Variants in UNC5D observed in about 807,000 individuals in gnomAD.
The protein encoded by UNC5D is unc-5 netrin receptor D.
UNC5D carries 39 observed loss-of-function variants against 105.4 expected under a neutral mutation model. The observed-to-expected ratio is 0.37, with a 90% CI of 0.29 to 0.48. UNC5D has a LOEUF of 0.48. UNC5D is among the 20% of genes least tolerant of loss of function. The pLI is 0.98. For missense variants in UNC5D, 991 were observed against 1,202.4 expected (o/e 0.82, Z 2.60); for synonymous variants, 452 against 450.4 (o/e 1.00, Z -0.04).
At chr8:35,522,743 T>C (rs1404983194) in intron 1 of UNC5D, among the ~76,000 whole-genome samples, 1 of 152,222 alleles carries the variant, frequency 6.6e-6, no homozygotes, top group Non-Finnish European at 1.5e-5. Context: ...AACTGGATGA[T>C]CTCTACTATC....
At chr8:35,789,137 C>CGATATA (rs1491172701) in intron 16 of UNC5D, among the ~76,000 whole-genome samples, 1 of 32,432 alleles carries the variant, frequency 3.1e-5, no homozygotes, top group Non-Finnish European at 8.8e-5. Flanking sequence ...GGAGAAAAGA[C>CGATATA]TATATATATA....
rs1008720987 is a variant in UNC5D, at chr8:35,791,839, T to TA, written c.*1277dup. 18 of 152,268 alleles carry TA rather than the reference T, an allele frequency of 1.2e-4. No individual in the cohort carries two copies. Among genetic ancestry groups the TA allele is most frequent in the African/African-American group, 3.9e-4 (16 of 41,550 alleles). 9.4% of individuals were successfully genotyped at this position (152,268 alleles called of 1,614,324 possible). A position where few individuals can be genotyped will look rare whatever the true frequency, so the allele number is the denominator to read the frequency against. On this transcript the variant is annotated 3_prime_UTR_variant, in exon 17 of 17. Transcript: ENST00000404895. ...GCTATTGCTCTATGATTTTTTTTTT[T>TA]ACATTAGGAGGCAGTGATATTGTGG...
At chr8:35,767,148 A>G in intron 15 of UNC5D, 82 bp downstream of exon 15, 1 of 1,452,720 alleles carries the variant, frequency 6.9e-7, no homozygotes, top group Non-Finnish European at 9.2e-7. Context: ...CAGCCGTGCT[A>G]TTCAGGTTCT....
intron 8 of UNC5D, among the ~76,000 whole-genome samples, chr8:35,715,473 C>A (rs1364722713): frequency 2.6e-5 from 4 of 151,998 alleles, no homozygotes; most frequent in South Asian, 2.1e-4. Flanking sequence ...TCTATTTGTT[C>A]TTTTTTATGT....
chr8:35,398,760 T>C (rs998050753), intron 1 of UNC5D, among the ~76,000 whole-genome samples: 2 of 152,142 alleles, frequency 1.3e-5, no homozygotes, highest in African/African-American at 2.4e-5. Flanking sequence ...CTTGTGGTTT[T>C]GTTAGTGATT....
At chr8:35,290,086 G>A (rs376126334) in intron 1 of UNC5D, among the ~76,000 whole-genome samples, 2 of 152,100 alleles carry the variant, frequency 1.3e-5, no homozygotes, top group Non-Finnish European at 2.9e-5. Context: ...TTATTGGCGG[G>A]AATGTATATA....
At chr8:35,355,474 A>T (rs537152212) in intron 1 of UNC5D, among the ~76,000 whole-genome samples, 2 of 152,176 alleles carry the variant, frequency 1.3e-5, no homozygotes, top group East Asian at 3.9e-4. Flanking sequence ...CATTCCCCAA[A>T]GTTCTGCTTA....
At chr8:35,600,264 C>T (rs764303473) in intron 4 of UNC5D, among the ~76,000 whole-genome samples, 7 of 152,094 alleles carry the variant, frequency 4.6e-5, no homozygotes, top group Admixed American at 6.6e-5. Flanking sequence ...AATAAACATA[C>T]GTGCACATGT....
intron 4 of UNC5D, among the ~76,000 whole-genome samples, chr8:35,598,188 C>T (rs1819612122): frequency 6.6e-6 from 1 of 152,166 alleles, no homozygotes; most frequent in Non-Finnish European, 1.5e-5. Flanking sequence ...CTTTTCCCTG[C>T]TTTATCCCAG....
At chr8:35,299,044 T>C (rs1461151064) in intron 1 of UNC5D, among the ~76,000 whole-genome samples, 6 of 152,206 alleles carry the variant, frequency 3.9e-5, no homozygotes, top group Admixed American at 2.0e-4. Context: ...GAGTCAGATA[T>C]GCCTGGTGCT....
At chr8:35,725,134 G>A (rs1828791337) in intron 9 of UNC5D, among the ~76,000 whole-genome samples, 1 of 152,072 alleles carries the variant, frequency 6.6e-6, no homozygotes, top group South Asian at 2.1e-4. Flanking sequence ...ATACAATATG[G>A]CCAAGAATTG....
intron 1 of UNC5D, among the ~76,000 whole-genome samples, chr8:35,414,520 G>A (rs1320086951): frequency 6.6e-6 from 1 of 151,772 alleles, no homozygotes; most frequent in African/African-American, 2.4e-5. Flanking sequence ...TAAAACTCTA[G>A]AATTAAACCC....
At chr8:35,425,526 C>T (rs1328972435) in intron 1 of UNC5D, among the ~76,000 whole-genome samples, 10 of 152,126 alleles carry the variant, frequency 6.6e-5, no homozygotes, top group African/African-American at 4.8e-5. Context: ...TTATGGTAAG[C>T]CCTGCAGCAT....
chr8:35,396,459 T>C lies in UNC5D; in HGVS notation c.104-152833T>C, dbSNP rs192885256. On this transcript the variant is annotated intron_variant, in intron 1 of 16. Transcript: ENST00000404895. ...TGCAGATGATCCCAGCTAGGGAGGCTCCTTAGCGACTCAGAACTGAAGATG... is the reference window on the plus strand; with the variant it reads ...TGCAGATGATCCCAGCTAGGGAGGCCCCTTAGCGACTCAGAACTGAAGATG... 3.2e-3 allele frequency among the ~76,000 whole-genome samples: 486 copies of C among 151,308 alleles called. 3 individuals are homozygous for C. The highest frequency in any genetic ancestry group is 0.011 in the African/African-American group (467 of 41,236).
intron 1 of UNC5D, among the ~76,000 whole-genome samples, chr8:35,421,588 G>A (rs1805902162): frequency 6.6e-6 from 1 of 152,062 alleles, no homozygotes; most frequent in African/African-American, 2.4e-5. Context: ...GTTTTATAAT[G>A]TAAACAATTT....
At chr8:35,648,030 G>A (rs1337828969) in intron 4 of UNC5D, among the ~76,000 whole-genome samples, 7 of 152,104 alleles carry the variant, frequency 4.6e-5, no homozygotes, top group Non-Finnish European at 8.8e-5. Flanking sequence ...TGATGGCTAC[G>A]CTGCACATCA....
chr8:35,511,482 A>C, intron 1 of UNC5D, among the ~76,000 whole-genome samples: 1 of 151,732 alleles, frequency 6.6e-6, no homozygotes. Flanking sequence ...ATTAAAAAAA[A>C]AAAAAAAAAA....
chr8:35,457,030 T>C (rs747153122), intron 1 of UNC5D, among the ~76,000 whole-genome samples: 1 of 152,210 alleles, frequency 6.6e-6, no homozygotes, highest in Non-Finnish European at 1.5e-5. Context: ...TTGTATGTCC[T>C]TGAGCAAGTT....
intron 7 of UNC5D, among the ~76,000 whole-genome samples, chr8:35,701,668 A>G (rs1827211666): frequency 6.6e-6 from 1 of 152,204 alleles, no homozygotes; most frequent in South Asian, 2.1e-4. Flanking sequence ...GGGCAGACAC[A>G]AAGCAATAGC....
Sources: allele counts gnomAD v4.1 joint callset (sites outside exome capture counted in the v4.1 genomes callset), GRCh38; gene constraint gnomAD v4.1.1; transcripts MANE v1.5; gene names NCBI Gene and HGNC (gene_info 2026-07-23, HGNC 2026-07-21).